The following OR3A1 variants were observed in gnomAD, a reference collection of about 807,000 sequenced individuals.
OR3A1 encodes the protein olfactory receptor 3A1.
For missense variants in OR3A1, 402 were observed against 393.8 expected (o/e 1.02, Z -0.18); for synonymous variants, 145 against 160.0 (o/e 0.91, Z 0.71).
At position 3,292,469 on chromosome 17, in the gene OR3A1, G is replaced by A. The variant is rs776446072; in HGVS notation, c.114C>T (p.Tyr38=). ...TGAGGTTGCCCCTGACCGTGACCAG[G>A]TAGGCAAAGAGGAAGAGCACAAAGA... ...PVVFVLFLFA[Y]LVTVRGNLSI... The change falls in exon 2 of 2, where the codon TAC becomes TAT. Residue 38 remains tyrosine, a synonymous_variant. Transcript: ENST00000323404. The A allele has an allele frequency of 3.1e-6, 5 of 1,613,556 alleles. No homozygotes were observed. In the African/African-American group the frequency reaches 5.4e-5, roughly 17 times the overall value.
rs756795869 is a variant in OR3A1, at chr17:3,292,287, G to T, written c.296C>A (p.Ala99Asp). The change falls in exon 2 of 2, where the codon GCC becomes GAC. Residue 99 changes from alanine (A) to aspartate (D), a missense_variant. By Grantham distance (126) the Ala-to-Asp change is moderately radical. Coordinates refer to ENST00000323404, the MANE Select transcript of OR3A1 (RefSeq NM_002550.3). ...GAAGAAGAAGAGCTGGGTAAGGCAG[G>T]CCCCACAGGGAACTGCACGCTTGCG... ...LSRKRAVPCG[A>D]CLTQLFFFHL... The T allele has an allele frequency of 5.6e-6, 9 of 1,614,044 alleles. No homozygotes were observed. The highest frequency in any genetic ancestry group is 4.5e-5 in the East Asian group (2 of 44,890).
chr17:3,294,879 T>G (rs1418942760), intron 1 of OR3A1, among the ~76,000 whole-genome samples: 1 of 152,168 alleles, frequency 6.6e-6, no homozygotes, highest in Admixed American at 6.5e-5. Flanking sequence ...TAAAGTTAAG[T>G]TGGCAATCTG....
In OR3A1 at chr17:3,291,151, C is replaced by T. The variant is rs1275404703; in HGVS notation, c.*484G>A. On this transcript the variant is annotated 3_prime_UTR_variant, in exon 2 of 2. Transcript: ENST00000323404. The stretch of plus-strand genomic sequence containing the variant: ...AAGAGCTACTTTTTTGTTTTTGTTT[C>T]TTTTTGTTTTATTTTTGCTTTTAGA... 1 of 152,912 alleles carries T rather than the reference C, an allele frequency of 6.5e-6. No individual in the cohort carries two copies. Among genetic ancestry groups the T allele is most frequent in the Non-Finnish European group, 1.5e-5 (1 of 68,676 alleles). 9.5% of individuals were successfully genotyped at this position (152,912 alleles called of 1,614,324 possible).
rs947647840 is a variant in OR3A1 at position 3,292,735 on chromosome 17, A to T, written c.-6-147T>A. The T allele has an allele frequency of 2.1e-5, 13 of 623,808 alleles. No individual in the cohort carries two copies. In the African/African-American group the frequency reaches 2.2e-4, roughly 11 times the overall value. 38.6% of individuals were successfully genotyped at this position (623,808 alleles called of 1,614,324 possible). On this transcript the variant is annotated intron_variant, in intron 1 of 1. Coordinates refer to ENST00000323404, the MANE Select transcript of OR3A1 (RefSeq NM_002550.3). ...AGGAATTTTGCGCTCCTTAGGCCAC[A>T]CTACACTTGTTTACTCTGTCGCTAC...
intron 1 of OR3A1, among the ~76,000 whole-genome samples, chr17:3,297,479 G>C (rs1567546189): frequency 6.6e-6 from 1 of 151,686 alleles, no homozygotes; most frequent in East Asian, 1.9e-4. Flanking sequence ...AAATCCTTTG[G>C]CTCAATTAAA....
chr17:3,297,556 C>A (rs16952837), intron 1 of OR3A1, among the ~76,000 whole-genome samples: 2,219 of 150,252 alleles, frequency 0.015, 128 homozygotes, highest in African/African-American at 0.052. Context: ...CTAAACTCTG[C>A]GGCACTTTAA....
At position 3,292,068 on chromosome 17, in the gene OR3A1, C is replaced by T. The variant is rs775969454; in HGVS notation, c.515G>A (p.Cys172Tyr). The change falls in exon 2 of 2, where the codon TGT (cysteine) becomes TAT (tyrosine). Residue 172 changes from cysteine to tyrosine, a missense_variant. Transcript: ENST00000323404. ...GAAGTGATTGATCACATTGGGGCCA[C>T]AGAAGTTGAGCGTGGACATGGCCAC... Reference protein sequence around the residue: ...HTVAMSTLNFCGPNVINHFYC... With the variant: ...HTVAMSTLNFYGPNVINHFYC... 6.2e-7 allele frequency: 1 copy of T among 1,614,192 alleles called. No individual in the cohort carries two copies.
rs1425940939 is a variant in OR3A1, at chr17:3,291,629, ACCT to A, written c.*3_*5del. On this transcript the variant is annotated 3_prime_UTR_variant, in exon 2 of 2. Transcript: ENST00000323404. ...ACACAGGGAGAAAGGGTCAATTGAG[ACCT>A]CCTCAAGCCAGTGACCGCCTCCCTG... 2 of 1,579,790 alleles carry A rather than the reference ACCT, an allele frequency of 1.3e-6. No homozygotes were observed. Among genetic ancestry groups the A allele is most frequent in the African/African-American group, 1.4e-5 (1 of 73,942 alleles).
Position 3,292,047 on chromosome 17 carries a change from T to G in OR3A1, c.536A>C (p.His179Pro). ...LNFCGPNVIN[H>P]FYCDLPQLFQ... ...GAGCTGTGGGAGGTCACAGTAGAAG[T>G]GATTGATCACATTGGGGCCACAGAA... Residue 179 changes from histidine to proline, a missense_variant, in exon 2 of 2, where the codon CAC becomes CCC. Coordinates refer to ENST00000323404, the MANE Select transcript of OR3A1 (RefSeq NM_002550.3). The G allele has an allele frequency of 6.2e-7, 1 of 1,614,010 alleles. No homozygotes were observed. Among genetic ancestry groups the G allele is most frequent in the Non-Finnish European group, 8.5e-7 (1 of 1,179,990 alleles).
At chr17:3,296,235 C>T (rs1055127986) in intron 1 of OR3A1, among the ~76,000 whole-genome samples, 17 of 151,936 alleles carry the variant, frequency 1.1e-4, no homozygotes, top group Admixed American at 5.9e-4. Context: ...CCTTAAGAAA[C>T]GGTTGGACCA....
At chr17:3,295,543 CAAT>C (rs1332966110) in intron 1 of OR3A1, among the ~76,000 whole-genome samples, 3 of 151,948 alleles carry the variant, frequency 2.0e-5, no homozygotes, top group East Asian at 3.9e-4. Context: ...TATTTCAAAA[CAAT>C]AAAAGCAAAC....
chr17:3,292,017 T>G lies in OR3A1; in HGVS notation c.566A>C (p.Gln189Pro). ...HFYCDLPQLF[Q>P]LSCSSTQLNE... ...GAGTTGGGTGCTGGAGCAGGAGAGC[T>G]GGAAGAGCTGTGGGAGGTCACAGTA... is the stretch of plus-strand genomic sequence containing the variant. The change falls in exon 2 of 2, where the codon CAG becomes CCG. Residue 189 changes from glutamine to proline, a missense_variant. Coordinates refer to ENST00000323404, the MANE Select transcript of OR3A1 (RefSeq NM_002550.3). The G allele has an allele frequency of 1.2e-6, 2 of 1,614,062 alleles. No homozygotes were observed. The highest frequency in any genetic ancestry group is 1.7e-6 in the Non-Finnish European group (2 of 1,179,990).
rs1475142257 is a variant in OR3A1, at chr17:3,295,981, A to T, written c.-7+2302T>A. 1.1e-4 allele frequency among the ~76,000 whole-genome samples: 16 copies of T among 152,178 alleles called. 1 individual carries two copies. The highest frequency in any genetic ancestry group is 1.0e-3 in the Admixed American group (16 of 15,274). The stretch of plus-strand genomic sequence containing the variant: ...AGTGGATTTTAGTGACTTTCAGTCC[A>T]TATAAATTTAAGTTGGCAGAATAAA... On this transcript the variant is annotated intron_variant, in intron 1 of 1. Coordinates refer to ENST00000323404, the MANE Select transcript of OR3A1 (RefSeq NM_002550.3).
At position 3,292,314 on chromosome 17, in the gene OR3A1, G is replaced by C; in HGVS notation, c.269C>G (p.Ser90Cys). The change falls in exon 2 of 2, where the codon TCC becomes TGC. Residue 90 changes from serine to cysteine, a missense_variant. Physicochemically the swap from Ser to Cys is moderately radical, Grantham distance 112. Transcript: ENST00000323404. Reference protein sequence around the residue: ...TVPSMLSRLLSRKRAVPCGAC... With the variant: ...TVPSMLSRLLCRKRAVPCGAC... ...CCCACAGGGAACTGCACGCTTGCGG[G>C]ACAGGAGACGACTCAACATTGATGG... 2 of 1,614,188 alleles carry C rather than the reference G, an allele frequency of 1.2e-6. No homozygotes were observed. The highest frequency in any genetic ancestry group is 1.7e-6 in the Non-Finnish European group (2 of 1,180,028).
At chr17:3,292,962 A>C (rs2048889276) in intron 1 of OR3A1, among the ~76,000 whole-genome samples, 1 of 152,076 alleles carries the variant, frequency 6.6e-6, no homozygotes, top group Non-Finnish European at 1.5e-5. Context: ...CTCAGAACTT[A>C]TCTCTTTCCA....
At position 3,291,441 on chromosome 17, in the gene OR3A1, G is replaced by A; in HGVS notation, c.*194C>T. 1 of 492,382 alleles carries A rather than the reference G, an allele frequency of 2.0e-6. No individual in the cohort carries two copies. The allele number at this position is 492,382 out of a possible 1,614,324, so 30.5% of individuals were successfully genotyped here. A position where few individuals can be genotyped will look rare whatever the true frequency, so the allele number is the denominator to read the frequency against. On this transcript the variant is annotated 3_prime_UTR_variant, in exon 2 of 2. Transcript: ENST00000323404. ...TGAATTTGTCTAAGGGGCTGGCTTGGCAGATCCTATACACTCATTGCTTAT... is the reference window on the plus strand; with the variant it reads ...TGAATTTGTCTAAGGGGCTGGCTTGACAGATCCTATACACTCATTGCTTAT...
chr17:3,296,142 AAAT>A (rs1432104649), intron 1 of OR3A1, among the ~76,000 whole-genome samples: 1 of 152,180 alleles, frequency 6.6e-6, no homozygotes, highest in Non-Finnish European at 1.5e-5. Flanking sequence ...TCAAAAGAAC[AAAT>A]AATACAAACA....
chr17:3,291,264 T>C lies in OR3A1; in HGVS notation c.*371A>G. ...CACACCTGAACTTGAGGGAAAAATA[T>C]GACTTCTGGCGGGGAGTTTTCTGGG... On this transcript the variant is annotated 3_prime_UTR_variant, in exon 2 of 2. Transcript: ENST00000323404. The C allele has an allele frequency of 5.3e-6, 1 of 187,670 alleles. No homozygotes were observed. Among genetic ancestry groups the C allele is most frequent in the Non-Finnish European group, 1.1e-5 (1 of 91,102 alleles). 11.6% of individuals were successfully genotyped at this position (187,670 alleles called of 1,614,324 possible). A position where few individuals can be genotyped will look rare whatever the true frequency, so the allele number is the denominator to read the frequency against.
At chr17:3,295,427 A>T (rs2048911510) in intron 1 of OR3A1, among the ~76,000 whole-genome samples, 1 of 152,122 alleles carries the variant, frequency 6.6e-6, no homozygotes, top group South Asian at 2.1e-4. Flanking sequence ...TTGGAACTCT[A>T]CACAAAGTTA....
Sources: allele counts gnomAD v4.1 joint callset (sites outside exome capture counted in the v4.1 genomes callset), GRCh38; gene constraint gnomAD v4.1.1; transcripts MANE v1.5; gene names NCBI Gene and HGNC (gene_info 2026-07-23, HGNC 2026-07-21).